ANGPTL1: variants seen among roughly 807,000 people sequenced by gnomAD.
ANGPTL1 encodes the protein angiopoietin like 1, also known as angiopoietin-related protein 1.
Under a neutral mutation model 46.7 loss-of-function variants are expected in ANGPTL1, and 36 were observed. The ratio of observed to expected loss-of-function variants is 0.77; its 90% CI spans 0.59 to 1.02. ANGPTL1 has a LOEUF of 1.02. ANGPTL1 is among the 50% of genes least tolerant of loss of function. The pLI is 0.00. For synonymous variants in ANGPTL1, 221 were observed against 204.3 expected, an observed-to-expected ratio of 1.08 and a Z score of -0.69; for missense variants, 571 against 594.7, an observed-to-expected ratio of 0.96 and a Z score of 0.41.
intron 2 of ANGPTL1, among the ~76,000 whole-genome samples, chr1:178,868,250 T>C (rs1658540973): frequency 6.6e-6 from 1 of 151,966 alleles, no homozygotes; most frequent in South Asian, 2.1e-4. Context: ...ACATTTATTA[T>C]ATCTCCAGAT....
intron 3 of ANGPTL1, among the ~76,000 whole-genome samples, chr1:178,862,160 A>G (rs959524508): frequency 1.3e-5 from 2 of 152,146 alleles, no homozygotes; most frequent in Admixed American, 6.5e-5. Flanking sequence ...GGCATGAGCC[A>G]CCATGCCCGG....
At chr1:178,868,945 TTTACTG>T (rs1193606170) in intron 2 of ANGPTL1, among the ~76,000 whole-genome samples, 163 bp downstream of exon 2, 1 of 152,018 alleles carries the variant, frequency 6.6e-6, no homozygotes, top group African/African-American at 2.4e-5. Flanking sequence ...TAAAAATACA[TTTACTG>T]TTATGTTTTC....
At chr1:178,858,630 G>T (rs1558154182) in intron 3 of ANGPTL1, among the ~76,000 whole-genome samples, 2 of 152,244 alleles carry the variant, frequency 1.3e-5, no homozygotes, top group South Asian at 4.1e-4. Context: ...CTCAATTTAT[G>T]TGAGGATTAA....
chr1:178,851,542 CTT>C (rs1186694935), intron 5 of ANGPTL1, among the ~76,000 whole-genome samples: 1 of 151,176 alleles, frequency 6.6e-6, no homozygotes, highest in Non-Finnish European at 1.5e-5. Context: ...TTACAATGTA[CTT>C]TTTTAAAAAG....
chr1:178,856,394 ATTTTTTT>A (rs71108081), intron 3 of ANGPTL1, among the ~76,000 whole-genome samples: 513 of 36,370 alleles, frequency 0.014, 3 homozygotes, highest in African/African-American at 0.023. Flanking sequence ...TGCCTGGCTA[ATTTTTTT>A]TTTTTTTTTT....
intron 3 of ANGPTL1, among the ~76,000 whole-genome samples, chr1:178,861,113 A>AT (rs1657977906): frequency 6.6e-6 from 1 of 152,182 alleles, no homozygotes; most frequent in Admixed American, 6.5e-5. Flanking sequence ...CCAAGGTCAC[A>AT]TAACAAAGGT....
At chr1:178,853,463 G>A in intron 4 of ANGPTL1, 131 bp downstream of exon 4, 1 of 832,106 alleles carries the variant, frequency 1.2e-6, no homozygotes, top group South Asian at 2.8e-5. Flanking sequence ...TTTGACAGAT[G>A]TAGATAATGA....
At chr1:178,851,872 G>A (rs955857101) in intron 5 of ANGPTL1, among the ~76,000 whole-genome samples, 1 of 152,102 alleles carries the variant, frequency 6.6e-6, no homozygotes, top group Non-Finnish European at 1.5e-5. Flanking sequence ...GGACAGGGAT[G>A]GGGGAGAATT....
chr1:178,864,551 A>G (rs1387422277), intron 3 of ANGPTL1, among the ~76,000 whole-genome samples: 3 of 152,150 alleles, frequency 2.0e-5, no homozygotes, highest in Admixed American at 6.6e-5. Flanking sequence ...TTTCTTTTGA[A>G]GAAGATGATG....
chr1:178,852,982 A>G (rs766524285), intron 4 of ANGPTL1, 29 bp from the exon 5 acceptor site: 7 of 1,580,888 alleles, frequency 4.4e-6, no homozygotes, highest in Non-Finnish European at 6.0e-6. Flanking sequence ...ACATGAGTGC[A>G]TAAATAAGTA....
chr1:178,852,637 A>G (rs776238636), intron 5 of ANGPTL1, 46 bp downstream of exon 5: 5 of 1,568,166 alleles, frequency 3.2e-6, no homozygotes, highest in East Asian at 4.5e-5. Context: ...TATTTAATGC[A>G]TAGAAGGTGA....
At chr1:178,861,585 A>G (rs1572418329) in intron 3 of ANGPTL1, among the ~76,000 whole-genome samples, 1 of 152,108 alleles carries the variant, frequency 6.6e-6, no homozygotes, top group South Asian at 2.1e-4. Context: ...AATTGGTTAT[A>G]CCATCCACTC....
At chr1:178,859,401 CTTTTTTT>C (rs543947031) in intron 3 of ANGPTL1, among the ~76,000 whole-genome samples, 1 of 122,900 alleles carries the variant, frequency 8.1e-6, no homozygotes, top group Non-Finnish European at 1.7e-5. Context: ...CCAAGTTTAA[CTTTTTTT>C]TTTTTTTTTT....
chr1:178,855,920 G>A (rs1219259771), intron 3 of ANGPTL1, among the ~76,000 whole-genome samples: 2 of 148,820 alleles, frequency 1.3e-5, no homozygotes, highest in African/African-American at 2.5e-5. Flanking sequence ...GTTAATACAC[G>A]AATTACATTG....
intron 3 of ANGPTL1, 124 bp downstream of exon 3, chr1:178,864,828 CAA>C (rs757099105): frequency 2.0e-5 from 11 of 559,194 alleles, no homozygotes; most frequent in Non-Finnish European, 2.7e-5. Flanking sequence ...TAATAAAAAA[CAA>C]TAGAAATTTT....
rs71108081 is a variant in ANGPTL1 at position 178,856,394 on chromosome 1, A to ATTTTTT, written c.824-2613_824-2608dup. Among the ~76,000 whole-genome samples, 98 of 36,430 alleles carry ATTTTTT rather than the reference A, an allele frequency of 2.7e-3. 20 individuals carry two copies. Among genetic ancestry groups the ATTTTTT allele is most frequent in the African/African-American group, 0.01 (69 of 6,866 alleles). The allele number at this position is 36,430 out of a possible 152,430, so 23.9% of individuals were successfully genotyped here. A position where few individuals can be genotyped will look rare whatever the true frequency, so the allele number is the denominator to read the frequency against. ...AGGCAAGTGCCACCCTGCCTGGCTA[A>ATTTTTT]TTTTTTTTTTTTTTTTTTTTTTTTT... On this transcript the variant is annotated intron_variant, in intron 3 of 5. Coordinates refer to ENST00000234816, the MANE Select transcript of ANGPTL1 (RefSeq NM_004673.4).
At chr1:178,856,210 T>C (rs1390962426) in intron 3 of ANGPTL1, among the ~76,000 whole-genome samples, 1 of 62,764 alleles carries the variant, frequency 1.6e-5, no homozygotes, top group Non-Finnish European at 4.0e-5. Flanking sequence ...GAGATATATA[T>C]ATATATATAT....
intron 3 of ANGPTL1, among the ~76,000 whole-genome samples, chr1:178,859,907 C>T (rs532944110): frequency 5.5e-5 from 8 of 146,150 alleles, no homozygotes; most frequent in African/African-American, 1.8e-4. Context: ...TTGGTAGAGA[C>T]GGGGTTTCGC....
rs111822008 is a variant in ANGPTL1 at position 178,851,661 on chromosome 1, C to G, written c.1289-345G>C. On this transcript the variant is annotated intron_variant, in intron 5 of 5. Coordinates refer to ENST00000234816, the MANE Select transcript of ANGPTL1 (RefSeq NM_004673.4). ...GAAAGATACAGAAGAAGATAAAAGTCTGAGGAAAATTGAATTGTCAAAATA... is the reference window on the plus strand; with the variant it reads ...GAAAGATACAGAAGAAGATAAAAGTGTGAGGAAAATTGAATTGTCAAAATA... 1.3e-3 allele frequency among the ~76,000 whole-genome samples: 193 copies of G among 152,144 alleles called. 2 individuals are homozygous for G. The highest frequency in any genetic ancestry group is 4.3e-3 in the African/African-American group (177 of 41,526).
Sources: gnomAD v4.1 joint callset for allele counts (sites outside exome capture counted in the v4.1 genomes callset) on GRCh38, gnomAD v4.1.1 for gene constraint, MANE v1.5 for transcripts, NCBI Gene and HGNC (gene_info 2026-07-23, HGNC 2026-07-21) for gene names.